FAM200B: variants seen among roughly 807,000 people sequenced by gnomAD.
FAM200B encodes zinc finger BED-type containing 11.
Under a neutral mutation model 33.1 loss-of-function variants are expected in FAM200B, and 32 were observed. The ratio of observed to expected loss-of-function variants is 0.97; its 90% CI spans 0.73 to 1.30. FAM200B has a LOEUF of 1.30. Among genes scored for constraint, FAM200B ranks in the 50% most tolerant of loss-of-function variants. The probability of loss-of-function intolerance (pLI) is 0.00; values close to 1 mark genes in which losing one functional copy is unlikely to be tolerated. For missense variants in FAM200B, 741 were observed against 754.0 expected, an observed-to-expected ratio of 0.98 and a Z score of 0.20; for synonymous variants, 240 against 264.8, an observed-to-expected ratio of 0.91 and a Z score of 0.91.
At chr4:15,671,758 G>A in the FAM200B span, among the ~76,000 whole-genome samples, 1 of 151,942 alleles carries the variant, frequency 6.6e-6, no homozygotes, top group African/African-American at 2.4e-5. Flanking sequence ...TATTTTTTTG[G>A]TGTGACTTTG....
At chr4:15,674,693 A>T in the FAM200B span, among the ~76,000 whole-genome samples, 1 of 148,694 alleles carries the variant, frequency 6.7e-6, no homozygotes, top group African/African-American at 2.5e-5. Context: ...TCTGTCGCCC[A>T]GGCTGGAGTG....
the FAM200B span, among the ~76,000 whole-genome samples, chr4:15,650,953 C>T: frequency 1.7e-3 from 256 of 152,224 alleles, no homozygotes; most frequent in African/African-American, 5.9e-3. Context: ...CTGTCTCAGA[C>T]ATTCTACAGT....
chr4:15,638,890 C>G, the FAM200B span, among the ~76,000 whole-genome samples: 1 of 152,164 alleles, frequency 6.6e-6, no homozygotes, highest in Non-Finnish European at 1.5e-5. Flanking sequence ...CCTGGCCAGG[C>G]GCGGTGGCTA....
At chr4:15,659,509 T>C in the FAM200B span, among the ~76,000 whole-genome samples, 4 of 152,300 alleles carry the variant, frequency 2.6e-5, no homozygotes, top group East Asian at 1.9e-4. Context: ...ACCAGGAGAA[T>C]GTGAGCTGCA....
rs986314609 is a variant in FAM200B, at chr4:15,687,444, G to C, written c.467G>C (p.Arg156Pro). Reference protein sequence around the residue: ...ALLSSYLVAYRVAKEKIANTA... With the variant: ...ALLSSYLVAYPVAKEKIANTA... ...TTATCATCATATTTAGTTGCATATCGTGTGGCAAAAGAGAAAATAGCTAAC... is the reference window on the plus strand; with the variant it reads ...TTATCATCATATTTAGTTGCATATCCTGTGGCAAAAGAGAAAATAGCTAAC... The change falls in exon 2 of 2, where the codon CGT (arginine) becomes CCT (proline). Residue 156 changes from arginine (R) to proline (P), a missense_variant. Physicochemically the swap from Arg to Pro is moderately radical, Grantham distance 103. Transcript: ENST00000422728. The C allele has an allele frequency of 1.8e-5, 28 of 1,550,972 alleles. No homozygotes were observed. In the East Asian group the frequency reaches 2.2e-4, roughly 12 times the overall value.
chr4:15,640,771 AG>A, the FAM200B span: 2 of 1,397,846 alleles, frequency 1.4e-6, no homozygotes, highest in Non-Finnish European at 2.0e-6. Context: ...AAATCACGAA[AG>A]AAAAATTATG....
chr4:15,638,633 T>C, the FAM200B span: 1 of 1,613,486 alleles, frequency 6.2e-7, no homozygotes. Context: ...TGCAATCACT[T>C]TCTTTTTAAT....
the FAM200B span, among the ~76,000 whole-genome samples, chr4:15,658,668 C>G: frequency 2.0e-5 from 3 of 152,212 alleles, no homozygotes; most frequent in Admixed American, 6.5e-5. Context: ...ATAGACTTCT[C>G]AGCCCCACAC....
At chr4:15,654,939 C>T in the FAM200B span, among the ~76,000 whole-genome samples, 1 of 151,942 alleles carries the variant, frequency 6.6e-6, no homozygotes. Context: ...CCGGTAGCGC[C>T]CCTCCTCAGC....
the FAM200B span, among the ~76,000 whole-genome samples, chr4:15,664,550 C>CTTTTTTTT: frequency 6.6e-5 from 5 of 75,522 alleles, no homozygotes; most frequent in Admixed American, 2.1e-4. Context: ...GGCCCTCATC[C>CTTTTTTTT]TTTTTTTTTT....
the FAM200B span, among the ~76,000 whole-genome samples, chr4:15,645,172 C>T: frequency 1.3e-5 from 2 of 151,918 alleles, no homozygotes; most frequent in Admixed American, 1.3e-4. Flanking sequence ...TAAAATGGAA[C>T]ATAATCTAAG....
the FAM200B span, among the ~76,000 whole-genome samples, chr4:15,641,845 G>A: frequency 2.0e-5 from 3 of 151,918 alleles, no homozygotes; most frequent in Admixed American, 6.6e-5. Context: ...AGCCCAACGC[G>A]GCGAAACCCT....
chr4:15,644,818 C>T, the FAM200B span: 1 of 701,220 alleles, frequency 1.4e-6, no homozygotes, highest in Non-Finnish European at 2.3e-6. Flanking sequence ...ACTTCCCTTA[C>T]ACTTGGTTAA....
the FAM200B span, among the ~76,000 whole-genome samples, chr4:15,644,311 T>C: frequency 6.6e-6 from 1 of 152,212 alleles, no homozygotes; most frequent in African/African-American, 2.4e-5. Context: ...CTCTCTCCAC[T>C]ACTGCAAACT....
Position 15,688,375 on chromosome 4 carries a change from A to G in FAM200B, c.1398A>G (p.Thr466=), listed in dbSNP as rs1233499948. The change falls in exon 2 of 2, where the codon ACA becomes ACG. Residue 466 remains threonine (T), a synonymous_variant. Transcript: ENST00000422728. ...HVERIQGFRK[T]LLLWQVRLKS... ...AACGTATCCAGGGATTTCGAAAGACATTATTGTTATGGCAAGTAAGACTTA... is the reference window on the plus strand; with the variant it reads ...AACGTATCCAGGGATTTCGAAAGACGTTATTGTTATGGCAAGTAAGACTTA... The G allele has an allele frequency of 1.9e-6, 3 of 1,549,820 alleles. No individual in the cohort carries two copies. Among genetic ancestry groups the G allele is most frequent in the African/African-American group, 1.4e-5 (1 of 73,010 alleles).
chr4:15,683,761 C>A (rs373176568), intron 1 of FAM200B, among the ~76,000 whole-genome samples: 1 of 152,096 alleles, frequency 6.6e-6, no homozygotes, highest in African/African-American at 2.4e-5. Flanking sequence ...TATTAGCCTT[C>A]GTCTTACATA....
chr4:15,680,062 A>C (rs1241360707), upstream of FAM200B, among the ~76,000 whole-genome samples: 2 of 152,230 alleles, frequency 1.3e-5, no homozygotes, highest in South Asian at 2.1e-4. Flanking sequence ...ACAGGAAAAA[A>C]TAAGTTTAAT....
the FAM200B span, among the ~76,000 whole-genome samples, chr4:15,652,451 T>C: frequency 1.3e-5 from 2 of 152,172 alleles, no homozygotes; most frequent in South Asian, 4.1e-4. Flanking sequence ...CAAAGCACTG[T>C]TGTCTGGATA....
At chr4:15,652,533 C>A in the FAM200B span, among the ~76,000 whole-genome samples, 1 of 152,102 alleles carries the variant, frequency 6.6e-6, no homozygotes, top group Non-Finnish European at 1.5e-5. Context: ...AGTATTAAAT[C>A]GGGTATTGTA....
Sources: gnomAD v4.1 joint callset for allele counts (sites outside exome capture counted in the v4.1 genomes callset) on GRCh38, gnomAD v4.1.1 for gene constraint, MANE v1.5 for transcripts, NCBI Gene and HGNC (gene_info 2026-07-23, HGNC 2026-07-21) for gene names.